GATAD2A: variants seen among roughly 807,000 people sequenced by gnomAD.
GATAD2A encodes transcriptional repressor p66-alpha.
Under a neutral mutation model 68.5 loss-of-function variants are expected in GATAD2A, and 12 were observed. The ratio of observed to expected loss-of-function variants is 0.18; its 90% CI spans 0.11 to 0.28. The LOEUF (loss-of-function observed/expected upper bound fraction) is 0.28, where lower values mean the gene tolerates loss of function less well. Ranked by LOEUF, GATAD2A falls within the 10% of genes least tolerant of loss-of-function variation. GATAD2A has a pLI of 1.00. For synonymous variants in GATAD2A, 410 were observed against 375.3 expected, an observed-to-expected ratio of 1.09 and a Z score of -1.07; for missense variants, 755 against 868.5, an observed-to-expected ratio of 0.87 and a Z score of 1.64.
At chr19:19,480,997 G>C (rs1472012405) in intron 2 of GATAD2A, among the ~76,000 whole-genome samples, 4 of 152,220 alleles carry the variant, frequency 2.6e-5, no homozygotes, top group Non-Finnish European at 5.9e-5. Context: ...CATGCACACA[G>C]GTGACTTCTC....
intron 1 of GATAD2A, among the ~76,000 whole-genome samples, chr19:19,444,389 G>T (rs532844521): frequency 6.6e-6 from 1 of 152,148 alleles, no homozygotes; most frequent in Non-Finnish European, 1.5e-5. Context: ...TCCGGTATGT[G>T]CTGTGCCTGC....
intron 1 of GATAD2A, among the ~76,000 whole-genome samples, chr19:19,411,960 CG>C (rs2050983048): frequency 6.6e-6 from 1 of 152,028 alleles, no homozygotes; most frequent in South Asian, 2.1e-4. Flanking sequence ...AGGTCAAGGC[CG>C]GGCGCGGCAG....
At chr19:19,445,341 G>A (rs748018305) in intron 1 of GATAD2A, among the ~76,000 whole-genome samples, 1 of 152,260 alleles carries the variant, frequency 6.6e-6, no homozygotes, top group East Asian at 1.9e-4. Flanking sequence ...CTCTAGAGGG[G>A]TTCATGGCTA....
At chr19:19,474,854 A>G (rs1297077924) in intron 2 of GATAD2A, among the ~76,000 whole-genome samples, 1 of 152,104 alleles carries the variant, frequency 6.6e-6, no homozygotes, top group Non-Finnish European at 1.5e-5. Flanking sequence ...CTCAGTCTTT[A>G]TAGTTTTAGC....
intron 1 of GATAD2A, among the ~76,000 whole-genome samples, chr19:19,424,876 G>A (rs1298448471): frequency 2.0e-5 from 3 of 151,968 alleles, no homozygotes; most frequent in Non-Finnish European, 1.5e-5. Context: ...CACTTTGGGA[G>A]GCTGAGGCAG....
At chr19:19,451,642 C>T (rs1346632006) in intron 1 of GATAD2A, among the ~76,000 whole-genome samples, 2 of 152,020 alleles carry the variant, frequency 1.3e-5, no homozygotes, top group African/African-American at 4.8e-5. Context: ...GTGAAGTAGG[C>T]GGGTGGGAAT....
chr19:19,423,340 T>A (rs751780273), intron 1 of GATAD2A, among the ~76,000 whole-genome samples: 2 of 152,208 alleles, frequency 1.3e-5, no homozygotes, highest in African/African-American at 4.8e-5. Flanking sequence ...CGGTGGCGGC[T>A]GAGATTTGCT....
intron 11 of GATAD2A, among the ~76,000 whole-genome samples, chr19:19,505,087 G>GA (rs1226194891): frequency 7.2e-5 from 11 of 152,352 alleles, no homozygotes; most frequent in Admixed American, 4.6e-4. Context: ...CTCACCCTCT[G>GA]ATGATTGCCC....
intron 2 of GATAD2A, chr19:19,474,260 G>T: frequency 1.6e-6 from 1 of 607,920 alleles, no homozygotes; most frequent in Non-Finnish European, 2.1e-6. Flanking sequence ...CGACAACCAC[G>T]TGAGCATGGG....
At chr19:19,458,466 G>A (rs1307420030) in intron 1 of GATAD2A, 1 of 152,194 alleles carries the variant, frequency 6.6e-6, no homozygotes, top group African/African-American at 2.4e-5. Flanking sequence ...TAACTCAGCA[G>A]TGCATACCAA....
intron 2 of GATAD2A, among the ~76,000 whole-genome samples, chr19:19,489,982 G>A (rs1033232511): frequency 2.0e-5 from 3 of 152,200 alleles, no homozygotes; most frequent in Admixed American, 6.5e-5. Flanking sequence ...CTTGAAAGTC[G>A]ATCTTGGGCG....
intron 1 of GATAD2A, among the ~76,000 whole-genome samples, chr19:19,435,577 C>T (rs1356095719): frequency 6.6e-6 from 1 of 152,122 alleles, no homozygotes; most frequent in Non-Finnish European, 1.5e-5. Context: ...GGGCTGGGCA[C>T]GGTGGCTCAT....
chr19:19,452,190 T>G (rs1372666989), intron 1 of GATAD2A, among the ~76,000 whole-genome samples: 1 of 152,192 alleles, frequency 6.6e-6, no homozygotes, highest in Admixed American at 6.5e-5. Context: ...TTGTCTGTCT[T>G]CTGCCTTTCC....
intron 1 of GATAD2A, among the ~76,000 whole-genome samples, chr19:19,454,939 A>T (rs2147876115): frequency 6.6e-6 from 1 of 152,334 alleles, no homozygotes; most frequent in African/African-American, 2.4e-5. Flanking sequence ...ATGGCCCACA[A>T]GGTGGTGGCC....
chr19:19,488,926 T>TG, intron 2 of GATAD2A, among the ~76,000 whole-genome samples: 1 of 152,210 alleles, frequency 6.6e-6, no homozygotes, highest in East Asian at 1.9e-4. Context: ...TGGCAGACGC[T>TG]GTCCCTGGGC....
intron 1 of GATAD2A, among the ~76,000 whole-genome samples, chr19:19,390,077 A>G (rs1456502906): frequency 6.6e-6 from 1 of 152,198 alleles, no homozygotes; most frequent in Admixed American, 6.6e-5. Context: ...TATTTTAAAT[A>G]AAACCTATAG....
intron 1 of GATAD2A, among the ~76,000 whole-genome samples, chr19:19,418,014 A>T (rs998074931): frequency 6.6e-6 from 1 of 152,160 alleles, no homozygotes; most frequent in Non-Finnish European, 1.5e-5. Context: ...GCACTCAGCT[A>T]AAGGGCGGGC....
In GATAD2A at chr19:19,411,651, GTCACCTGA is replaced by G. The variant is rs1159639064; in HGVS notation, c.-7+5640_-7+5647del. On this transcript the variant is annotated intron_variant, in intron 1 of 11. Transcript: ENST00000683918. ...TTTACCACTCTTCAGCGTTGGGTGG[GTCACCTGA>G]TCACCTGGCCTCAGCTTTCTCTTAT... Among the ~76,000 whole-genome samples, 3 of 151,234 alleles carry G rather than the reference GTCACCTGA, an allele frequency of 2.0e-5. No homozygotes were observed. The Admixed American group carries it at 2.0e-4, about 10-fold the overall frequency.
chr19:19,494,333 C>A lies in GATAD2A; in HGVS notation c.574C>A (p.Pro192Thr), dbSNP rs773618709. The change falls in exon 5 of 12, where the codon CCG becomes ACG. Residue 192 changes from proline (P) to threonine (T), a missense_variant. By Grantham distance (38) the Pro-to-Thr change is conservative. Transcript: ENST00000683918. ...SVGSTVTTPP[P>T]LVRGTQNIPA... is the part of the protein sequence containing the mutation. ...TGGGAGCACCGTGACCACCCCTCCC[C>A]CGCTTGTTCGGGGCACTCAGAACAT... 1.2e-6 allele frequency: 2 copies of A among 1,613,550 alleles called. No individual in the cohort carries two copies. Among genetic ancestry groups the A allele is most frequent in the African/African-American group, 1.3e-5 (1 of 75,068 alleles).
Sources: gnomAD v4.1 joint callset for allele counts (sites outside exome capture counted in the v4.1 genomes callset) on GRCh38, gnomAD v4.1.1 for gene constraint, MANE v1.5 for transcripts, NCBI Gene and HGNC (gene_info 2026-07-23, HGNC 2026-07-21) for gene names.